NUBPL: variants seen among roughly 807,000 people sequenced by gnomAD.
NUBPL encodes NUBP iron-sulfur cluster assembly factor, mitochondrial.
A neutral mutation model predicts 45.7 loss-of-function variants in NUBPL; 31 were observed. The ratio of observed to expected loss-of-function variants is 0.68; its 90% CI spans 0.51 to 0.92. The LOEUF (loss-of-function observed/expected upper bound fraction) is 0.92. Ranked by LOEUF, NUBPL falls within the 40% of genes least tolerant of loss-of-function variation. NUBPL has a pLI of 0.00. For synonymous variants in NUBPL, 144 were observed against 140.9 expected (o/e 1.02, Z -0.15); for missense variants, 401 against 398.7 (o/e 1.01, Z -0.05).
At chr14:31,627,209 T>G (rs1357394286) in intron 4 of NUBPL, among the ~76,000 whole-genome samples, 3 of 152,168 alleles carry the variant, frequency 2.0e-5, no homozygotes, top group Non-Finnish European at 4.4e-5. Flanking sequence ...TTTTCCTTTT[T>G]AATTTCCCCG....
chr14:31,667,458 T>A (rs2036461411), intron 4 of NUBPL, among the ~76,000 whole-genome samples: 1 of 152,048 alleles, frequency 6.6e-6, no homozygotes, highest in Non-Finnish European at 1.5e-5. Context: ...CTGTAACCTT[T>A]TATCAAGGTT....
At chr14:31,750,199 G>A (rs1198029251) in intron 6 of NUBPL, among the ~76,000 whole-genome samples, 9 of 147,908 alleles carry the variant, frequency 6.1e-5, no homozygotes, top group Admixed American at 5.4e-4. Context: ...TTTTGAGACG[G>A]AGTCTTGCTC....
Position 31,730,540 on chromosome 14 carries a change from T to A in NUBPL, c.513+56966T>A, listed in dbSNP as rs919627632. Among the ~76,000 whole-genome samples, 5 of 151,186 alleles carry A rather than the reference T, an allele frequency of 3.3e-5. No homozygotes were observed. The Admixed American group carries it at 3.3e-4, about 10-fold the overall frequency. Reference sequence around the variant, plus strand: ...GTGCGGTGGCACAATCTCAGCTCACTGCAAGCTCCGCCTCCTGGGTTCACG... The same window carrying A: ...GTGCGGTGGCACAATCTCAGCTCACAGCAAGCTCCGCCTCCTGGGTTCACG... On this transcript the variant is annotated intron_variant, in intron 6 of 10. Transcript: ENST00000281081.
chr14:31,564,946 T>TA, intron 2 of NUBPL, 68 bp from the exon 3 acceptor site: 1 of 816,094 alleles, frequency 1.2e-6, no homozygotes, highest in South Asian at 1.7e-5. Context: ...ATGAAAATAT[T>TA]AAAAGATAAA....
At chr14:31,775,503 A>C (rs1252224951) in intron 6 of NUBPL, among the ~76,000 whole-genome samples, 1 of 152,208 alleles carries the variant, frequency 6.6e-6, no homozygotes, top group East Asian at 1.9e-4. Context: ...ATGTGTTACT[A>C]TGTACAAGAG....
rs775656176 is a variant in NUBPL, at chr14:31,610,608, CAAAAAA to C, written c.382+11246_382+11251del. 8.3e-3 allele frequency among the ~76,000 whole-genome samples: 788 copies of C among 94,664 alleles called. 11 individuals are homozygous for C. Among genetic ancestry groups the C allele is most frequent in the African/African-American group, 0.031 (716 of 22,830 alleles). The allele number at this position is 94,664 out of a possible 152,430, so 62.1% of individuals were successfully genotyped here. On this transcript the variant is annotated intron_variant, in intron 4 of 10. Coordinates refer to ENST00000281081, the MANE Select transcript of NUBPL (RefSeq NM_025152.3). Reference sequence around the variant, plus strand: ...ATATCAAAACCAGAGAAAGATACATCAAAAAAAAAAAAAAAAAAAAAAGAAAGAAAA... The same window carrying C: ...ATATCAAAACCAGAGAAAGATACATCAAAAAAAAAAAAAAAAGAAAGAAAA...
intron 4 of NUBPL, among the ~76,000 whole-genome samples, chr14:31,604,017 A>C (rs2034515572): frequency 6.6e-6 from 1 of 152,104 alleles, no homozygotes; most frequent in South Asian, 2.1e-4. Flanking sequence ...TCTTTTCTTA[A>C]GTAGTCTGCT....
At chr14:31,583,453 A>T (rs1431087000) in intron 3 of NUBPL, among the ~76,000 whole-genome samples, 2 of 152,202 alleles carry the variant, frequency 1.3e-5, no homozygotes, top group African/African-American at 4.8e-5. Context: ...GATAGTTTGA[A>T]TTATTTATTT....
At chr14:31,592,428 G>C (rs942969877) in intron 3 of NUBPL, among the ~76,000 whole-genome samples, 3 of 152,108 alleles carry the variant, frequency 2.0e-5, no homozygotes, top group Non-Finnish European at 4.4e-5. Context: ...AACACAATCT[G>C]ACTTATGTTT....
chr14:31,828,633 A>G (rs1250326087), intron 8 of NUBPL, among the ~76,000 whole-genome samples: 2 of 152,180 alleles, frequency 1.3e-5, no homozygotes, highest in African/African-American at 4.8e-5. Context: ...ATATATCAAA[A>G]TACCATTTCA....
chr14:31,661,473 G>C (rs1431298000), intron 4 of NUBPL, among the ~76,000 whole-genome samples: 2 of 152,210 alleles, frequency 1.3e-5, no homozygotes, highest in African/African-American at 4.8e-5. Context: ...ATCATGAGTT[G>C]TTGTGTAGAG....
intron 6 of NUBPL, among the ~76,000 whole-genome samples, chr14:31,679,866 A>G (rs1180403917): frequency 6.6e-6 from 1 of 152,210 alleles, no homozygotes; most frequent in Non-Finnish European, 1.5e-5. Flanking sequence ...TGAGTCTTCT[A>G]ATCTGTGACC....
chr14:31,812,836 AAGAC>A (rs375802076), intron 7 of NUBPL, among the ~76,000 whole-genome samples: 53 of 152,254 alleles, frequency 3.5e-4, no homozygotes, highest in African/African-American at 8.9e-4. Flanking sequence ...AAGGAGAATG[AAGAC>A]AGACAGACAG....
At chr14:31,680,228 C>T (rs911869964) in intron 6 of NUBPL, among the ~76,000 whole-genome samples, 2 of 152,028 alleles carry the variant, frequency 1.3e-5, no homozygotes, top group Non-Finnish European at 2.9e-5. Context: ...ATTTGATTTT[C>T]TGGTATTCTT....
At chr14:31,758,007 A>G (rs1026383802) in intron 6 of NUBPL, among the ~76,000 whole-genome samples, 4 of 152,030 alleles carry the variant, frequency 2.6e-5, no homozygotes, top group African/African-American at 9.7e-5. Flanking sequence ...TTATTTCTCG[A>G]TATACAGGTC....
At position 31,859,758 on chromosome 14, in the gene NUBPL, T is replaced by C. The variant is rs1010757835; in HGVS notation, c.*578T>C. On this transcript the variant is annotated 3_prime_UTR_variant, in exon 11 of 11. Coordinates refer to ENST00000281081, the MANE Select transcript of NUBPL (RefSeq NM_025152.3). Reference sequence around the variant, plus strand: ...ACCATGATGATGTTGATGATGATTCTGGTAATCATGGCAGTAAGAATAATA... The same window carrying C: ...ACCATGATGATGTTGATGATGATTCCGGTAATCATGGCAGTAAGAATAATA... The C allele has an allele frequency of 4.4e-5, 7 of 158,400 alleles. No homozygotes were observed. The highest frequency in any genetic ancestry group is 1.7e-4 in the African/African-American group (7 of 41,462). The allele number at this position is 158,400 out of a possible 1,614,324, so 9.8% of individuals were successfully genotyped here. A position where few individuals can be genotyped will look rare whatever the true frequency, so the allele number is the denominator to read the frequency against.
intron 6 of NUBPL, among the ~76,000 whole-genome samples, chr14:31,722,837 T>A (rs974357296): frequency 5.9e-5 from 9 of 152,202 alleles, no homozygotes; most frequent in African/African-American, 2.2e-4. Flanking sequence ...TGGAATTAGA[T>A]CTTTGTCACA....
intron 4 of NUBPL, among the ~76,000 whole-genome samples, chr14:31,648,272 A>G (rs559441195): frequency 6.6e-6 from 1 of 152,328 alleles, no homozygotes; most frequent in African/African-American, 2.4e-5. Flanking sequence ...TTGCTTTAAA[A>G]AATTAAAAGT....
chr14:31,766,604 C>A (rs2038917186), intron 6 of NUBPL, among the ~76,000 whole-genome samples: 1 of 152,174 alleles, frequency 6.6e-6, no homozygotes, highest in African/African-American at 2.4e-5. Context: ...CTGCTGTCGG[C>A]CACCTCCAAA....
Sources: allele counts gnomAD v4.1 joint callset (sites outside exome capture counted in the v4.1 genomes callset), GRCh38; gene constraint gnomAD v4.1.1; transcripts MANE v1.5; gene names NCBI Gene and HGNC (gene_info 2026-07-23, HGNC 2026-07-21).